WNT7B: variants seen among roughly 807,000 people sequenced by gnomAD.
The protein encoded by WNT7B is protein Wnt-7b.
WNT7B carries 19 observed loss-of-function variants against 38.2 expected under a neutral mutation model. The ratio of observed to expected loss-of-function variants is 0.50; its 90% CI spans 0.35 to 0.73. The LOEUF (loss-of-function observed/expected upper bound fraction) is 0.73. Among genes scored for constraint, WNT7B ranks in the 30% least tolerant of loss-of-function variants. The pLI is 0.01. For synonymous variants in WNT7B, 243 were observed against 209.3 expected (o/e 1.16, Z -1.39); for missense variants, 423 against 507.9 (o/e 0.83, Z 1.61).
At chr22:45,944,309 C>A (rs1470562209) in intron 2 of WNT7B, among the ~76,000 whole-genome samples, 1 of 152,210 alleles carries the variant, frequency 6.6e-6, no homozygotes. Flanking sequence ...GCCGCCTAGC[C>A]CACAGGGCCT....
chr22:45,925,783 C>T lies in WNT7B; in HGVS notation c.571-2448G>A, dbSNP rs1931064346. The T allele has an allele frequency of 1.3e-5, 13 of 985,312 alleles. No homozygotes were observed. The South Asian group carries it at 5.2e-4, about 39-fold the overall frequency. The allele number at this position is 985,312 out of a possible 1,614,324, so 61.0% of individuals were successfully genotyped here. On this transcript the variant is annotated intron_variant, in intron 3 of 3. Coordinates refer to ENST00000339464, the MANE Select transcript of WNT7B (RefSeq NM_058238.3). ...TGGTGGCCCCTCTCGGAGTTCCCAG[C>T]CGGGAGAAGTTCACCCCACCCCGGG...
At chr22:45,925,760 G>A (rs1601713625) in intron 3 of WNT7B, 3 of 985,398 alleles carry the variant, frequency 3.0e-6, no homozygotes, top group African/African-American at 1.7e-5. Flanking sequence ...TGCCCTGATG[G>A]TGGCCCCTCT....
chr22:45,926,899 C>A lies in WNT7B; in HGVS notation c.571-3564G>T, dbSNP rs993739438. ...CCATTAGGACGGTGTGAACAATGCG[C>A]CCACCCAGCAGGACGCTGTGGACCC... On this transcript the variant is annotated intron_variant, in intron 3 of 3. Transcript: ENST00000339464. 3 of 985,314 alleles carry A rather than the reference C, an allele frequency of 3.0e-6. No homozygotes were observed. The African/African-American group carries it at 5.2e-5, about 17-fold the overall frequency. The allele number at this position is 985,314 out of a possible 1,614,324, so 61.0% of individuals were successfully genotyped here.
chr22:45,929,906 A>ACCCT (rs1931273141), intron 3 of WNT7B, among the ~76,000 whole-genome samples: 1 of 150,712 alleles, frequency 6.6e-6, no homozygotes, highest in Admixed American at 6.6e-5. Context: ...TCATCTATCT[A>ACCCT]CCCATCCATC....
At chr22:45,929,772 C>T (rs1346887795) in intron 3 of WNT7B, among the ~76,000 whole-genome samples, 3 of 151,002 alleles carry the variant, frequency 2.0e-5, no homozygotes, top group Non-Finnish European at 4.4e-5. Context: ...GTCTACTTAT[C>T]CTTCCATCCA....
In WNT7B at chr22:45,942,957, G is replaced by A. The variant is rs547022911; in HGVS notation, c.298+6963C>T. ...GTGTGTAGGCGTGTATGTGTGCAGTGTGCATGTGTGTGTGCGTGTGTGCAG... is the reference window on the plus strand; with the variant it reads ...GTGTGTAGGCGTGTATGTGTGCAGTATGCATGTGTGTGTGCGTGTGTGCAG... On this transcript the variant is annotated intron_variant, in intron 2 of 3. Transcript: ENST00000339464. Among the ~76,000 whole-genome samples, 3 of 151,100 alleles carry A rather than the reference G, an allele frequency of 2.0e-5. No individual in the cohort carries two copies. In the South Asian group the frequency reaches 6.2e-4, roughly 31 times the overall value.
At chr22:45,925,565 C>G in intron 3 of WNT7B, 1 of 985,296 alleles carries the variant, frequency 1.0e-6, no homozygotes, top group Non-Finnish European at 1.2e-6. Flanking sequence ...GGGACCTCCT[C>G]CCTGCCTCCT....
intron 1 of WNT7B, among the ~76,000 whole-genome samples, chr22:45,956,874 G>A (rs1055935709): frequency 6.6e-5 from 10 of 152,292 alleles, no homozygotes; most frequent in Non-Finnish European, 1.2e-4. Flanking sequence ...TTGGGAGGCT[G>A]AGATGGGTGG....
Position 45,975,157 on chromosome 22 carries a change from G to C in WNT7B, c.71+1527C>G, listed in dbSNP as rs889052118. ...AGTTTCCTAATCCTTGAATCCGGGA[G>C]AGTAAAAGCACCTAACTACTCTAGG... On this transcript the variant is annotated intron_variant, in intron 1 of 3. Transcript: ENST00000339464. This position sits in a 1 kb window ranked among gnomAD's most constrained non-coding sequence, Gnocchi z 6.6. Among the ~76,000 whole-genome samples the C allele has an allele frequency of 6.6e-6, 1 of 152,150 alleles. No individual in the cohort carries two copies. Among genetic ancestry groups the C allele is most frequent in the Non-Finnish European group, 1.5e-5 (1 of 68,014 alleles).
intron 2 of WNT7B, among the ~76,000 whole-genome samples, chr22:45,931,683 TC>T (rs1931365981): frequency 6.6e-6 from 1 of 152,098 alleles, no homozygotes; most frequent in Non-Finnish European, 1.5e-5. Context: ...CTCTCCCTGT[TC>T]CCAAGACTGG....
chr22:45,925,584 C>T (rs1931058558), intron 3 of WNT7B: 3 of 985,340 alleles, frequency 3.0e-6, no homozygotes, highest in Non-Finnish European at 2.4e-6. Context: ...CTGTCCCTCT[C>T]CCATCCTGTC....
chr22:45,928,539 G>A (rs1220954046), intron 3 of WNT7B, among the ~76,000 whole-genome samples: 1 of 151,954 alleles, frequency 6.6e-6, no homozygotes, highest in African/African-American at 2.4e-5. Context: ...ATTGGCCACT[G>A]GCGGCATCAT....
intron 1 of WNT7B, among the ~76,000 whole-genome samples, chr22:45,971,728 G>A (rs536121041): frequency 6.6e-6 from 1 of 152,304 alleles, no homozygotes; most frequent in East Asian, 1.9e-4. Context: ...GGGAGCGGGT[G>A]TGTGAGTGCG....
At chr22:45,964,116 A>AGGTCCCCAGTGTCCCG in intron 1 of WNT7B, among the ~76,000 whole-genome samples, 1 of 152,140 alleles carries the variant, frequency 6.6e-6, no homozygotes, top group African/African-American at 2.4e-5. Flanking sequence ...ACTGTGTCCC[A>AGGTCCCCAGTGTCCCG]CAGGTCCCCA....
In WNT7B at chr22:45,941,488, G is replaced by A. The variant is rs537705312; in HGVS notation, c.298+8432C>T. On this transcript the variant is annotated intron_variant, in intron 2 of 3. Coordinates refer to ENST00000339464, the MANE Select transcript of WNT7B (RefSeq NM_058238.3). ...ATCGCGTCAGTGCACTCCAGCCTGGGTGACACTCCAGCCTTTGTCTCAAAA... is the reference window on the plus strand; with the variant it reads ...ATCGCGTCAGTGCACTCCAGCCTGGATGACACTCCAGCCTTTGTCTCAAAA... Among the ~76,000 whole-genome samples the A allele has an allele frequency of 3.3e-5, 5 of 150,218 alleles. No individual in the cohort carries two copies. The East Asian group carries it at 7.8e-4, about 23-fold the overall frequency.
At chr22:45,948,164 G>A (rs1209612130) in intron 2 of WNT7B, among the ~76,000 whole-genome samples, 1 of 152,240 alleles carries the variant, frequency 6.6e-6, no homozygotes, top group Non-Finnish European at 1.5e-5. Flanking sequence ...TCGGCCGGGA[G>A]GCAGGGGCAC....
intron 1 of WNT7B, among the ~76,000 whole-genome samples, chr22:45,950,573 C>G (rs1931909043): frequency 6.6e-6 from 1 of 152,258 alleles, no homozygotes; most frequent in African/African-American, 2.4e-5. Flanking sequence ...GCTTTCCCCT[C>G]ATTTATAAAT....
At chr22:45,943,378 C>T (rs967183480) in intron 2 of WNT7B, among the ~76,000 whole-genome samples, 3 of 152,386 alleles carry the variant, frequency 2.0e-5, no homozygotes, top group Non-Finnish European at 4.4e-5. Flanking sequence ...TCCGACCCAG[C>T]GGAGGCCCTC....
At chr22:45,935,455 GC>G (rs745724487) in intron 2 of WNT7B, among the ~76,000 whole-genome samples, 1 of 152,192 alleles carries the variant, frequency 6.6e-6, no homozygotes, top group Non-Finnish European at 1.5e-5. Context: ...CCTGCCGCCT[GC>G]CCTGGGGGAC....
Sources: allele counts gnomAD v4.1 joint callset (sites outside exome capture counted in the v4.1 genomes callset), GRCh38; gene constraint gnomAD v4.1.1; non-coding constraint Gnocchi (gnomAD v3.1); transcripts MANE v1.5; gene names NCBI Gene and HGNC (gene_info 2026-07-23, HGNC 2026-07-21).